The following COL14A1 variants were observed in gnomAD, a reference collection of about 807,000 sequenced individuals.
COL14A1 encodes collagen alpha-1(XIV) chain.
Under a neutral mutation model 230.3 loss-of-function variants are expected in COL14A1, and 136 were observed. The observed-to-expected ratio is 0.59, with a 90% confidence interval of 0.51 to 0.68. The LOEUF is 0.68. Ranked by LOEUF, COL14A1 falls within the 30% of genes least tolerant of loss-of-function variation. The pLI, the probability that COL14A1 is intolerant of heterozygous loss-of-function variation, is 0.00. For missense variants in COL14A1, 1,976 were observed against 2,215.8 expected, an observed-to-expected ratio of 0.89 and a Z score of 2.17; for synonymous variants, 792 against 784.1, an observed-to-expected ratio of 1.01 and a Z score of -0.17.
chr8:120,171,198 G>A (rs1353500352), intron 5 of COL14A1, among the ~76,000 whole-genome samples: 1 of 151,880 alleles, frequency 6.6e-6, no homozygotes, highest in Non-Finnish European at 1.5e-5. Context: ...ACAGAATATA[G>A]AATTTAATAA....
At chr8:120,298,597 TTATATATATA>T (rs59846403) in intron 35 of COL14A1, among the ~76,000 whole-genome samples, 1,098 of 57,984 alleles carry the variant, frequency 0.019, 37 homozygotes, top group South Asian at 0.05. Flanking sequence ...CCCATATATT[TTATATATATA>T]TATATATATA....
At chr8:120,356,195 T>A (rs188925195) in intron 45 of COL14A1, among the ~76,000 whole-genome samples, 1 of 152,360 alleles carries the variant, frequency 6.6e-6, no homozygotes. Context: ...GGTGCCAGCA[T>A]TTATTAAGCA....
At chr8:120,319,331 AT>A (rs1253434865) in intron 40 of COL14A1, among the ~76,000 whole-genome samples, 2 of 150,908 alleles carry the variant, frequency 1.3e-5, no homozygotes, top group Admixed American at 6.6e-5. Context: ...TAATTTTTTT[AT>A]TTTATTTATT....
chr8:120,358,445 A>G (rs776247911), intron 45 of COL14A1, among the ~76,000 whole-genome samples: 7 of 152,106 alleles, frequency 4.6e-5, no homozygotes, highest in Non-Finnish European at 1.0e-4. Flanking sequence ...CCTCTTGGCT[A>G]GCTTTTTGAC....
chr8:120,256,000 A>G (rs1819138067), intron 23 of COL14A1, among the ~76,000 whole-genome samples: 2 of 152,204 alleles, frequency 1.3e-5, no homozygotes, highest in African/African-American at 2.4e-5. Context: ...AAAAATCAGT[A>G]TCTAGAGCCG....
intron 42 of COL14A1, among the ~76,000 whole-genome samples, chr8:120,336,216 G>A (rs1302128674): frequency 1.3e-5 from 2 of 152,064 alleles, no homozygotes; most frequent in Non-Finnish European, 2.9e-5. Context: ...ATGCCTTAAG[G>A]CAAAGACAAG....
rs200266880 is a variant in COL14A1 at position 120,345,485 on chromosome 8, G to C, written c.4999G>C (p.Ala1667Pro). 4 of 1,605,374 alleles carry C rather than the reference G, an allele frequency of 2.5e-6. No homozygotes were observed. Among genetic ancestry groups the C allele is most frequent in the Non-Finnish European group, 3.4e-6 (4 of 1,176,230 alleles). The change falls in exon 45 of 48, where the codon GCC (alanine) becomes CCC (proline). Residue 1667 changes from alanine to proline, a missense_variant. By Grantham distance (27) the Ala-to-Pro change is conservative. Coordinates refer to ENST00000297848, the MANE Select transcript of COL14A1 (RefSeq NM_021110.4). Reference sequence around the variant, plus strand: ...GCCTGGGAGGCCAGGCTCACCTGGAGCCCCTGGTGAACAAGGACCCCCAGG... The same window carrying C: ...GCCTGGGAGGCCAGGCTCACCTGGACCCCCTGGTGAACAAGGACCCCCAGG... The part of the protein sequence containing the change: ...GEPGRPGSPG[A>P]PGEQGPPGTP...
chr8:120,308,921 C>G (rs1820938507), intron 36 of COL14A1, among the ~76,000 whole-genome samples: 1 of 152,100 alleles, frequency 6.6e-6, no homozygotes. Context: ...TCACAGACTT[C>G]AATAGAAACA....
chr8:120,362,898 A>G (rs1380480237), intron 45 of COL14A1, among the ~76,000 whole-genome samples: 1 of 152,228 alleles, frequency 6.6e-6, no homozygotes, highest in East Asian at 1.9e-4. Flanking sequence ...TGGCTAAATC[A>G]TATTTTTGCT....
At chr8:120,273,037 T>C (rs146833127) in intron 26 of COL14A1, among the ~76,000 whole-genome samples, 4 of 151,868 alleles carry the variant, frequency 2.6e-5, no homozygotes, top group Non-Finnish European at 4.4e-5. Flanking sequence ...TAGACCATGA[T>C]AGGCCACAAA....
intron 19 of COL14A1, among the ~76,000 whole-genome samples, chr8:120,236,794 C>T (rs920761041): frequency 2.6e-5 from 4 of 152,120 alleles, no homozygotes; most frequent in African/African-American, 9.7e-5. Flanking sequence ...CCTCCAGGAG[C>T]TCTTGTAAGG....
intron 5 of COL14A1, among the ~76,000 whole-genome samples, chr8:120,178,744 TC>T (rs1402050451): frequency 2.0e-5 from 3 of 152,208 alleles, no homozygotes; most frequent in Non-Finnish European, 4.4e-5. Context: ...ATCTGTTGTT[TC>T]CTGACTTTTT....
chr8:120,189,782 A>G (rs1160579009), intron 5 of COL14A1, among the ~76,000 whole-genome samples: 1 of 151,680 alleles, frequency 6.6e-6, no homozygotes, highest in Non-Finnish European at 1.5e-5. Flanking sequence ...ATGATTTCCA[A>G]TTTCATTCAT....
At position 120,254,418 on chromosome 8, in the gene COL14A1, G is replaced by A. The variant is rs143150864; in HGVS notation, c.2753-822G>A. ...AATTTTCAAAAGTGTTTATTCAATC[G>A]TGTTTTGAAGACCAGTCCTTGTGAA... On this transcript the variant is annotated intron_variant, in intron 22 of 47. Transcript: ENST00000297848. 3.3e-5 allele frequency among the ~76,000 whole-genome samples: 5 copies of A among 152,118 alleles called. No individual in the cohort carries two copies. The East Asian group carries it at 7.7e-4, about 23-fold the overall frequency.
At chr8:120,171,760 C>A (rs1035356140) in intron 5 of COL14A1, among the ~76,000 whole-genome samples, 11 of 152,112 alleles carry the variant, frequency 7.2e-5, no homozygotes, top group African/African-American at 2.7e-4. Context: ...AAATTCTTAA[C>A]CTTTAACTCT....
chr8:120,266,841 C>T lies in COL14A1; in HGVS notation c.3031C>T (p.Arg1011Ter), dbSNP rs755526369. The T allele has an allele frequency of 1.5e-5, 24 of 1,612,010 alleles. No homozygotes were observed. The highest frequency in any genetic ancestry group is 5.4e-5 in the African/African-American group (4 of 74,762). ...IMEKTQSLPT[R>*]PPTFPPTIPP... ...TTCCTTTACAGAATCACTTCCTACACGACCACCAACTTTTCCTCCAACCAT... is the reference window on the plus strand; with the variant it reads ...TTCCTTTACAGAATCACTTCCTACATGACCACCAACTTTTCCTCCAACCAT... Residue 1011 changes from arginine to a stop codon, truncating the protein, a stop_gained, in exon 25 of 48, where the codon CGA (arginine) becomes TGA (stop). Transcript: ENST00000297848. LOFTEE classifies it high-confidence loss of function.
intron 33 of COL14A1, 78 bp from the exon 34 acceptor site, chr8:120,289,530 A>G (rs1820305763): frequency 2.3e-6 from 3 of 1,278,698 alleles, no homozygotes; most frequent in African/African-American, 1.5e-5. Flanking sequence ...CTTTGTAATG[A>G]TGAATCATAC....
chr8:120,170,901 G>A (rs1816075246), intron 5 of COL14A1, among the ~76,000 whole-genome samples: 1 of 150,258 alleles, frequency 6.7e-6, no homozygotes, highest in Admixed American at 6.8e-5. Context: ...AGTTCAAGGT[G>A]AGTAATTTGT....
chr8:120,129,832 A>G (rs566060157), intron 1 of COL14A1, among the ~76,000 whole-genome samples: 2 of 152,336 alleles, frequency 1.3e-5, no homozygotes, highest in East Asian at 1.9e-4. Context: ...AGCCCTGATC[A>G]TTCAGTCATT....
Sources: allele counts gnomAD v4.1 joint callset (sites outside exome capture counted in the v4.1 genomes callset), GRCh38; gene constraint gnomAD v4.1.1; transcripts MANE v1.5; gene names NCBI Gene and HGNC (gene_info 2026-07-23, HGNC 2026-07-21).